The following PRKDC variants were observed in gnomAD, a reference collection of about 807,000 sequenced individuals.
PRKDC encodes the protein protein kinase, DNA-activated, catalytic subunit.
PRKDC carries 82 observed loss-of-function variants against 486.9 expected under a neutral mutation model. That is an observed-to-expected ratio of 0.17 (90% CI 0.14 to 0.20). The LOEUF (loss-of-function observed/expected upper bound fraction) is 0.20, where lower values mean the gene tolerates loss of function less well. Among genes scored for constraint, PRKDC ranks in the 10% least tolerant of loss-of-function variants. PRKDC has a pLI of 1.00. For missense variants in PRKDC, 4,504 were observed against 5,038.2 expected, an observed-to-expected ratio of 0.89 and a Z score of 3.21; for synonymous variants, 1,895 against 1,837.0, an observed-to-expected ratio of 1.03 and a Z score of -0.81.
intron 34 of PRKDC, among the ~76,000 whole-genome samples, chr8:47,888,123 C>T (rs1046210884): frequency 1.4e-4 from 22 of 152,270 alleles, no homozygotes; most frequent in Non-Finnish European, 5.9e-5. Context: ...AGCAATCCTC[C>T]TATCTGAGCC....
intron 48 of PRKDC, among the ~76,000 whole-genome samples, chr8:47,857,875 T>TA (rs141190221): frequency 5.3e-5 from 8 of 152,276 alleles, no homozygotes; most frequent in Admixed American, 2.0e-4. Context: ...TTAGTGCCCT[T>TA]AGTGGTTCCC....
intron 7 of PRKDC, among the ~76,000 whole-genome samples, chr8:47,949,260 C>T (rs970211157): frequency 6.6e-5 from 10 of 152,196 alleles, no homozygotes; most frequent in Non-Finnish European, 1.2e-4. Flanking sequence ...ACCTTAATTC[C>T]GCTATGCCAT....
chr8:47,953,719 T>C lies in PRKDC; in HGVS notation c.622A>G (p.Met208Val), dbSNP rs778952016. The change falls in exon 7 of 86, where the codon ATG (methionine) becomes GTG (valine). Residue 208 changes from methionine to valine, a missense_variant and splice_region_variant. Physicochemically the swap from Met to Val is conservative, Grantham distance 21. Transcript: ENST00000314191. ...TTGGGCTCTCTTACTGCTGATGTCA[T>C]CTAAAAGAAAAGATTTAAGAAGATG... ...RAFLGELKTQ[M>V]TSAVREPKLP... The C allele has an allele frequency of 9.3e-6, 15 of 1,609,382 alleles. No individual in the cohort carries two copies. The highest frequency in any genetic ancestry group is 8.9e-5 in the East Asian group (4 of 44,846).
chr8:47,899,101 A>T (rs1423161485), intron 28 of PRKDC, among the ~76,000 whole-genome samples: 1 of 152,224 alleles, frequency 6.6e-6, no homozygotes, highest in Non-Finnish European at 1.5e-5. Flanking sequence ...AGAAGTCTGG[A>T]ATTATTTAGG....
intron 1 of PRKDC, 65 bp downstream of exon 1, chr8:47,959,908 G>A: frequency 1.3e-6 from 2 of 1,515,002 alleles, no homozygotes; most frequent in South Asian, 1.2e-5. Flanking sequence ...GCGCCGGGCT[G>A]CCCGGCTCCA....
rs1248097261 is a variant in PRKDC at position 47,852,751 on chromosome 8, A to G, written c.6927T>C (p.Phe2309=). Reference sequence around the variant, plus strand: ...CGGCATACACTTCTTTATATCTTACAAAGGACATATTATTCACCAAAGCCT... The same window carrying G: ...CGGCATACACTTCTTTATATCTTACGAAGGACATATTATTCACCAAAGCCT... The part of the protein sequence containing the change: ...YFQALVNNMS[F]VRYKEVYAAA... The change falls in exon 52 of 86, where the codon TTT becomes TTC. Residue 2309 remains phenylalanine (F), a synonymous_variant. Transcript: ENST00000314191. The G allele has an allele frequency of 6.3e-7, 1 of 1,576,170 alleles. No individual in the cohort carries two copies. Among genetic ancestry groups the G allele is most frequent in the Admixed American group, 1.8e-5 (1 of 54,418 alleles).
chr8:47,909,784 TG>T (rs1287931286), intron 25 of PRKDC, among the ~76,000 whole-genome samples: 1 of 152,170 alleles, frequency 6.6e-6, no homozygotes, highest in East Asian at 1.9e-4. Flanking sequence ...GACTGAAATA[TG>T]GCCTTGTCTC....
Position 47,940,906 on chromosome 8 carries a change from G to A in PRKDC, c.967-1209C>T, listed in dbSNP as rs532956470. On this transcript the variant is annotated intron_variant, in intron 10 of 85. Coordinates refer to ENST00000314191, the MANE Select transcript of PRKDC (RefSeq NM_006904.7). Reference sequence around the variant, plus strand: ...CGCCTGTCATCCCAGCCCTTTGGGAGGCCAAGAAGGGTGGATGACCTGAGG... The same window carrying A: ...CGCCTGTCATCCCAGCCCTTTGGGAAGCCAAGAAGGGTGGATGACCTGAGG... Among the ~76,000 whole-genome samples, 28 of 152,274 alleles carry A rather than the reference G, an allele frequency of 1.8e-4. No homozygotes were observed. In the South Asian group the frequency reaches 5.8e-3, roughly 32 times the overall value.
At chr8:47,905,406 C>T (rs1446981029) in intron 25 of PRKDC, among the ~76,000 whole-genome samples, 1 of 152,174 alleles carries the variant, frequency 6.6e-6, no homozygotes, top group Non-Finnish European at 1.5e-5. Context: ...GCTCATTGTT[C>T]CTCTGATTGG....
Position 47,926,944 on chromosome 8 carries a change from T to C in PRKDC, c.2419+250A>G, listed in dbSNP as rs576512723. On this transcript the variant is annotated intron_variant, in intron 21 of 85. Transcript: ENST00000314191. Reference sequence around the variant, plus strand: ...ATTTCAAGGTATTGAAGACAGTACTTGTCTTTGAAGATTTTATAAATCTTA... The same window carrying C: ...ATTTCAAGGTATTGAAGACAGTACTCGTCTTTGAAGATTTTATAAATCTTA... The C allele has an allele frequency of 2.1e-4, 86 of 406,224 alleles. No individual in the cohort carries two copies. The South Asian group carries it at 3.4e-3, about 16-fold the overall frequency. 25.2% of individuals were successfully genotyped at this position (406,224 alleles called of 1,614,324 possible). A position where few individuals can be genotyped will look rare whatever the true frequency, so the allele number is the denominator to read the frequency against.
intron 7 of PRKDC, among the ~76,000 whole-genome samples, chr8:47,945,393 T>G (rs963611156): frequency 6.6e-6 from 1 of 152,194 alleles, no homozygotes; most frequent in African/African-American, 2.4e-5. Context: ...AGGGTGCCCA[T>G]CAAACACTAA....
At chr8:47,790,472 G>A (rs1429865556) in intron 74 of PRKDC, among the ~76,000 whole-genome samples, 1 of 152,130 alleles carries the variant, frequency 6.6e-6, no homozygotes, top group Non-Finnish European at 1.5e-5. Flanking sequence ...TGTTAAATCT[G>A]TCCACACTAC....
chr8:47,835,571 C>T (rs898617833), intron 58 of PRKDC, among the ~76,000 whole-genome samples: 11 of 125,214 alleles, frequency 8.8e-5, no homozygotes, highest in Admixed American at 9.9e-5. Flanking sequence ...GAGCCAAGAT[C>T]GTGCCACTCA....
chr8:47,782,498 C>T lies in PRKDC; in HGVS notation c.11276G>A (p.Arg3759Gln), dbSNP rs745385113. ...GAGCTGCTCCACGCGCTGGTCCTGC[C>T]GCAGGTCCTCGCCACCCTTCACCAG... is the stretch of plus-strand genomic sequence containing the variant. The part of the protein sequence containing the change: ...PFLVKGGEDL[R>Q]QDQRVEQLFQ... Residue 3759 changes from arginine (R) to glutamine (Q), a missense_variant, in exon 79 of 86, where the codon CGG becomes CAG. Arg to Gln is a conservative substitution (Grantham distance 43, BLOSUM62 1). Around this residue, in one of 6 missense-constraint regions of PRKDC, gnomAD observed 706 missense variants for 945.0 expected, o/e 0.75. Coordinates refer to ENST00000314191, the MANE Select transcript of PRKDC (RefSeq NM_006904.7). This position sits in a 1 kb window ranked among gnomAD's most constrained non-coding sequence, Gnocchi z 4.9. The T allele has an allele frequency of 3.1e-5, 49 of 1,577,412 alleles. No homozygotes were observed. Among genetic ancestry groups the T allele is most frequent in the Admixed American group, 1.1e-4 (6 of 54,386 alleles).
intron 54 of PRKDC, among the ~76,000 whole-genome samples, chr8:47,844,659 T>A (rs866200956): frequency 6.6e-6 from 1 of 151,436 alleles, no homozygotes; most frequent in South Asian, 2.1e-4. Flanking sequence ...CTCAATAAAT[T>A]AAAAAAAAAT....
chr8:47,936,719 T>C lies in PRKDC; in HGVS notation c.1114-202A>G, dbSNP rs544684836. Among the ~76,000 whole-genome samples the C allele has an allele frequency of 2.0e-5, 3 of 151,178 alleles. No homozygotes were observed. In the East Asian group the frequency reaches 5.9e-4, roughly 30 times the overall value. ...ACAACCTCCAACTCCCAGGTTCAAG[T>C]GATTCTCCCGCTTCAGCCTCCCGAG... On this transcript the variant is annotated intron_variant, in intron 11 of 85. Transcript: ENST00000314191.
At chr8:47,861,664 C>G (rs145178412) in intron 44 of PRKDC, among the ~76,000 whole-genome samples, 4 of 152,388 alleles carry the variant, frequency 2.6e-5, no homozygotes, top group African/African-American at 9.6e-5. Flanking sequence ...TTGGCTAAAA[C>G]AAACCTTGTC....
At chr8:47,837,174 T>G (rs546317404) in intron 57 of PRKDC, 38 bp downstream of exon 57, 2 of 1,551,676 alleles carry the variant, frequency 1.3e-6, no homozygotes, top group Non-Finnish European at 1.8e-6. Context: ...AGGAAAAGCC[T>G]ATAATATTCA....
chr8:47,862,632 T>C (rs1031905713), intron 42 of PRKDC, 91 bp from the exon 43 acceptor site: 1 of 1,285,116 alleles, frequency 7.8e-7, no homozygotes, highest in African/African-American at 1.5e-5. Context: ...CCTAATGCCA[T>C]TCAGCCTTTC....
Sources: gnomAD v4.1 joint callset for allele counts (sites outside exome capture counted in the v4.1 genomes callset) on GRCh38, gnomAD v4.1.1 for gene constraint, gnomAD v4.1.1 regional missense constraint, Gnocchi (gnomAD v3.1) non-coding constraint, MANE v1.5 for transcripts, NCBI Gene and HGNC (gene_info 2026-07-23, HGNC 2026-07-21) for gene names.